Variants in NTM observed in about 807,000 individuals in gnomAD.
The protein encoded by NTM is IgLON family member 2.
A neutral mutation model predicts 42.1 loss-of-function variants in NTM; 13 were observed. The observed-to-expected ratio is 0.31, with a 90% CI of 0.20 to 0.49. The LOEUF (loss-of-function observed/expected upper bound fraction) is 0.49. Among genes scored for constraint, NTM ranks in the 20% least tolerant of loss-of-function variants. The pLI, the probability that NTM is intolerant of heterozygous loss-of-function variation, is 0.99. For synonymous variants in NTM, 187 were observed against 179.2 expected (o/e 1.04, Z -0.35); for missense variants, 373 against 452.8 (o/e 0.82, Z 1.60).
chr11:131,498,516 TC>T (rs1296059870), intron 1 of NTM, among the ~76,000 whole-genome samples: 1 of 152,136 alleles, frequency 6.6e-6, no homozygotes, highest in Non-Finnish European at 1.5e-5. Context: ...GACCTTTCCT[TC>T]CTTTTCTTCC....
At chr11:131,671,585 G>C in intron 1 of NTM, 9 of 985,354 alleles carry the variant, frequency 9.1e-6, no homozygotes, top group Non-Finnish European at 1.1e-5. Context: ...TGGAGCCCAC[G>C]CTGGGCTGGG....
chr11:131,613,632 C>T (rs1471054672), intron 1 of NTM, among the ~76,000 whole-genome samples: 3 of 152,116 alleles, frequency 2.0e-5, no homozygotes, highest in African/African-American at 7.2e-5. Flanking sequence ...TGCTGGTGTG[C>T]CTTGCTGAAG....
intron 1 of NTM, among the ~76,000 whole-genome samples, chr11:131,632,899 T>C (rs2063807408): frequency 6.6e-6 from 1 of 151,800 alleles, no homozygotes; most frequent in Admixed American, 6.6e-5. Context: ...GGTCTCGATC[T>C]CCTGACCTCG....
At chr11:131,586,188 C>G (rs2058842409) in intron 1 of NTM, among the ~76,000 whole-genome samples, 1 of 152,094 alleles carries the variant, frequency 6.6e-6, no homozygotes, top group Non-Finnish European at 1.5e-5. Context: ...TCATTGAAGC[C>G]TCAACCTCCC....
chr11:132,033,621 G>A (rs2076181392), intron 2 of NTM, among the ~76,000 whole-genome samples: 1 of 152,162 alleles, frequency 6.6e-6, no homozygotes, highest in Non-Finnish European at 1.5e-5. Flanking sequence ...CCCTAATGCT[G>A]TCACTTTCCT....
intron 3 of NTM, among the ~76,000 whole-genome samples, chr11:132,210,629 A>G (rs1294680868): frequency 6.6e-6 from 1 of 152,228 alleles, no homozygotes; most frequent in African/African-American, 2.4e-5. Context: ...ATAAGTAGAC[A>G]CATGGAACCA....
chr11:131,742,731 T>A (rs1238933265), intron 1 of NTM, among the ~76,000 whole-genome samples: 3 of 152,164 alleles, frequency 2.0e-5, no homozygotes, highest in African/African-American at 4.8e-5. Flanking sequence ...AAATAACCAA[T>A]GTAAATAGAA....
At chr11:131,931,216 G>A (rs932982196) in intron 2 of NTM, among the ~76,000 whole-genome samples, 1 of 152,130 alleles carries the variant, frequency 6.6e-6, no homozygotes, top group Admixed American at 6.5e-5. Flanking sequence ...GGGAGGCTGA[G>A]GTGGGTGGAT....
At chr11:132,040,782 A>G (rs2077075763) in intron 2 of NTM, among the ~76,000 whole-genome samples, 1 of 152,160 alleles carries the variant, frequency 6.6e-6, no homozygotes, top group Non-Finnish European at 1.5e-5. Context: ...AGGTGACCTA[A>G]TTAACCTGTT....
At chr11:131,746,963 C>A (rs1219533106) in intron 1 of NTM, among the ~76,000 whole-genome samples, 1 of 152,044 alleles carries the variant, frequency 6.6e-6, no homozygotes, top group African/African-American at 2.4e-5. Context: ...AATTTTGATA[C>A]CTGTAAAATT....
chr11:132,111,453 G>GT (rs1366764068), intron 2 of NTM, among the ~76,000 whole-genome samples: 1 of 152,158 alleles, frequency 6.6e-6, no homozygotes, highest in Non-Finnish European at 1.5e-5. Flanking sequence ...ATCCTGAACT[G>GT]TTTTTCATAA....
At chr11:131,777,910 C>A (rs2087338810) in intron 1 of NTM, among the ~76,000 whole-genome samples, 1 of 152,066 alleles carries the variant, frequency 6.6e-6, no homozygotes, top group Non-Finnish European at 1.5e-5. Flanking sequence ...AAATGTTTGA[C>A]CCAATTATGC....
intron 1 of NTM, among the ~76,000 whole-genome samples, chr11:131,557,680 G>A: frequency 7.1e-6 from 1 of 140,220 alleles, no homozygotes; most frequent in East Asian, 2.3e-4. Context: ...AGGAGGCACT[G>A]TTGTTGATCC....
chr11:131,795,742 T>C (rs1243074924), intron 1 of NTM: 1 of 985,208 alleles, frequency 1.0e-6, no homozygotes, highest in African/African-American at 1.7e-5. Context: ...GACAGTGTAG[T>C]GGTTCAGGTC....
At chr11:131,910,439 G>T (rs1286334732) in intron 1 of NTM, among the ~76,000 whole-genome samples, 6 of 151,522 alleles carry the variant, frequency 4.0e-5, no homozygotes, top group Non-Finnish European at 7.4e-5. Context: ...TGGGCCCGGC[G>T]CGGCGGGGGT....
chr11:131,500,560 T>C (rs868572662), intron 1 of NTM, among the ~76,000 whole-genome samples: 6,189 of 35,180 alleles, frequency 0.18, 295 homozygotes, highest in African/African-American at 0.38. Flanking sequence ...TATATATATA[T>C]ATATATATAT....
chr11:132,122,307 T>G (rs1224666788), intron 2 of NTM, among the ~76,000 whole-genome samples: 3 of 152,178 alleles, frequency 2.0e-5, no homozygotes, highest in Non-Finnish European at 2.9e-5. Context: ...GATAGGACAC[T>G]TGGAGGGGTA....
chr11:131,449,593 G>GATC (rs1950329642), intron 1 of NTM, among the ~76,000 whole-genome samples: 1 of 152,218 alleles, frequency 6.6e-6, no homozygotes, highest in African/African-American at 2.4e-5. Context: ...GCACCGGCCA[G>GATC]ATCTGTGCTG....
intron 1 of NTM, among the ~76,000 whole-genome samples, chr11:131,658,778 T>C (rs547440483): frequency 6.6e-6 from 1 of 152,260 alleles, no homozygotes; most frequent in South Asian, 2.1e-4. Context: ...GAGAACAGCC[T>C]GGACAGCATG....
Sources: gnomAD v4.1 joint callset for allele counts (sites outside exome capture counted in the v4.1 genomes callset) on GRCh38, gnomAD v4.1.1 for gene constraint, MANE v1.5 for transcripts, NCBI Gene and HGNC (gene_info 2026-07-23, HGNC 2026-07-21) for gene names.